Variants in NCKAP5L observed in about 807,000 individuals in gnomAD.
NCKAP5L encodes nck-associated protein 5-like.
Under a neutral mutation model 103.2 loss-of-function variants are expected in NCKAP5L, and 54 were observed. The ratio of observed to expected loss-of-function variants is 0.52; its 90% CI spans 0.42 to 0.66. The LOEUF is 0.66. NCKAP5L is among the 30% of genes least tolerant of loss of function. NCKAP5L has a pLI of 0.00. For synonymous variants in NCKAP5L, 762 were observed against 748.6 expected (o/e 1.02, Z -0.29); for missense variants, 1,733 against 1,750.6 (o/e 0.99, Z 0.18).
chr12:49,791,265 G>A lies in NCKAP5L; in HGVS notation c.*574C>T. 1 of 153,466 alleles carries A rather than the reference G, an allele frequency of 6.5e-6. No individual in the cohort carries two copies. The highest frequency in any genetic ancestry group is 1.5e-5 in the Non-Finnish European group (1 of 68,950). The allele number at this position is 153,466 out of a possible 1,614,324, so 9.5% of individuals were successfully genotyped here. On this transcript the variant is annotated 3_prime_UTR_variant, in exon 13 of 13. Transcript: ENST00000335999. ...AGTGCGGGGCTGGGGGCTGGGGGCTGGGCCAGGCGCTTCAATATATAAAAA... is the reference window on the plus strand; with the variant it reads ...AGTGCGGGGCTGGGGGCTGGGGGCTAGGCCAGGCGCTTCAATATATAAAAA...
In NCKAP5L at chr12:49,796,306, G is replaced by A. The variant is rs1279428518; in HGVS notation, c.1554C>T (p.Gly518=). 2 of 1,544,430 alleles carry A rather than the reference G, an allele frequency of 1.3e-6. No individual in the cohort carries two copies. The highest frequency in any genetic ancestry group is 2.7e-5 in the African/African-American group (2 of 72,960). Residue 518 remains glycine, a synonymous_variant, in exon 8 of 13, where the codon GGC becomes GGT. Transcript: ENST00000335999. ...GGELSPEGAQ[G]LPTSPSPCYT... is the part of the protein sequence containing the mutation. Reference sequence around the variant, plus strand: ...AGCAGGGTGAAGGGCTGGTGGGCAGGCCTTGCGCCCCCTCTGGGGACAGCT... The same window carrying A: ...AGCAGGGTGAAGGGCTGGTGGGCAGACCTTGCGCCCCCTCTGGGGACAGCT...
rs546623210 is a variant in NCKAP5L, at chr12:49,795,014, G to A, written c.2846C>T (p.Pro949Leu). 29 of 1,604,106 alleles carry A rather than the reference G, an allele frequency of 1.8e-5. No individual in the cohort carries two copies. The highest frequency in any genetic ancestry group is 1.0e-4 in the South Asian group (9 of 89,716). Reference sequence around the variant, plus strand: ...TTCCATCTTGACTTCCCTCCGGAGCGGGGAGCCCCCGCCAGCCCCCTCCTT... The same window carrying A: ...TTCCATCTTGACTTCCCTCCGGAGCAGGGAGCCCCCGCCAGCCCCCTCCTT... The part of the protein sequence containing the change: ...KNKEGAGGGS[P>L]LRREVKMEAR... The change falls in exon 8 of 13, where the codon CCG (proline) becomes CTG (leucine). Residue 949 changes from proline to leucine, a missense_variant. Coordinates refer to ENST00000335999, the MANE Select transcript of NCKAP5L (RefSeq NM_001037806.4).
At position 49,804,036 on chromosome 12, in the gene NCKAP5L, C is replaced by T. The variant is rs1946152567; in HGVS notation, c.9G>A (p.Glu3=). MS[E]AMDQPAGGPG... ...GACCCCCAGCTGGCTGGTCCATGGC[C>T]TCTGACATCTGGCCCTGGGAACAAG... is the stretch of plus-strand genomic sequence containing the variant. The change falls in exon 3 of 13, where the codon GAG becomes GAA. Residue 3 remains glutamate (E), a synonymous_variant. Transcript: ENST00000335999. 1 of 1,610,622 alleles carries T rather than the reference C, an allele frequency of 6.2e-7. No homozygotes were observed. The highest frequency in any genetic ancestry group is 8.5e-7 in the Non-Finnish European group (1 of 1,179,940).
chr12:49,793,436 G>C lies in NCKAP5L; in HGVS notation c.3259-3C>G. The stretch of plus-strand genomic sequence containing the variant: ...CGCCTCCCTGGCTCGCTGCTCGGCT[G>C]TGTGGGATACAGGAGACCTCATAGT... On this transcript the variant is annotated splice_region_variant and splice_polypyrimidine_tract_variant and intron_variant, in intron 9 of 12. Coordinates refer to ENST00000335999, the MANE Select transcript of NCKAP5L (RefSeq NM_001037806.4). 6.2e-7 allele frequency: 1 copy of C among 1,609,444 alleles called. No individual in the cohort carries two copies. The highest frequency in any genetic ancestry group is 8.5e-7 in the Non-Finnish European group (1 of 1,179,688).
intron 1 of NCKAP5L, among the ~76,000 whole-genome samples, chr12:49,825,389 G>A (rs1304131268): frequency 6.6e-6 from 1 of 152,192 alleles, no homozygotes; most frequent in Non-Finnish European, 1.5e-5. Flanking sequence ...AGAAGCAGGG[G>A]CTAGAAAGGG....
intron 1 of NCKAP5L, among the ~76,000 whole-genome samples, chr12:49,825,076 C>T (rs1946401545): frequency 6.6e-6 from 1 of 152,182 alleles, no homozygotes; most frequent in African/African-American, 2.4e-5. Flanking sequence ...CTCTGACACT[C>T]ACCACCGCAT....
At position 49,795,228 on chromosome 12, in the gene NCKAP5L, C is replaced by A. The variant is rs1195857163; in HGVS notation, c.2632G>T (p.Ala878Ser). 1.3e-6 allele frequency: 2 copies of A among 1,564,164 alleles called. No individual in the cohort carries two copies. The highest frequency in any genetic ancestry group is 2.2e-5 in the East Asian group (1 of 44,490). The change falls in exon 8 of 13, where the codon GCC becomes TCC. Residue 878 changes from alanine to serine, a missense_variant. Ala to Ser is a moderately conservative substitution (Grantham distance 99). Transcript: ENST00000335999. ...TTCTCCTCGATGGCTGAGTGTGGGGCCAGCCCCTCAGGGCCCTGACTTGGG... is the reference window on the plus strand; with the variant it reads ...TTCTCCTCGATGGCTGAGTGTGGGGACAGCCCCTCAGGGCCCTGACTTGGG... ...TDPSQGPEGL[A>S]PHSAIEEKVM...
intron 1 of NCKAP5L, among the ~76,000 whole-genome samples, chr12:49,811,123 CCTCAACTTG>C (rs1946235329): frequency 6.6e-6 from 1 of 152,188 alleles, no homozygotes; most frequent in Non-Finnish European, 1.5e-5. Flanking sequence ...CCCTGGGATT[CCTCAACTTG>C]CGTATTCTAG....
chr12:49,793,820 A>G lies in NCKAP5L; in HGVS notation c.3172T>C (p.Ser1058Pro). 1.3e-6 allele frequency: 2 copies of G among 1,596,656 alleles called. No individual in the cohort carries two copies. Among genetic ancestry groups the G allele is most frequent in the Non-Finnish European group, 1.7e-6 (2 of 1,171,960 alleles). The part of the protein sequence containing the change: ...PEYGDFQPVS[S>P]DPKSPWPACG... ...GCTGGCCAGGGGCTCTTGGGGTCAG[A>G]AGACACCGGCTGGAAATCCCCGTAC... The change falls in exon 9 of 13, where the codon TCT (serine) becomes CCT (proline). Residue 1058 changes from serine to proline, a missense_variant. Coordinates refer to ENST00000335999, the MANE Select transcript of NCKAP5L (RefSeq NM_001037806.4).
At chr12:49,793,926 G>T (rs1426281455) in intron 8 of NCKAP5L, 30 bp from the exon 9 acceptor site, 9 of 1,450,734 alleles carry the variant, frequency 6.2e-6, no homozygotes, top group Non-Finnish European at 8.2e-6. Flanking sequence ...TATAGGTGAG[G>T]GTGGTCTTGC....
At position 49,796,979 on chromosome 12, in the gene NCKAP5L, G is replaced by T; in HGVS notation, c.881C>A (p.Pro294Gln). Reference sequence around the variant, plus strand: ...AGAAGAGGAGGAGGAGCTGCTGCCTGGGGCACAGTTTGGGCCAGAGCTGGT... The same window carrying T: ...AGAAGAGGAGGAGGAGCTGCTGCCTTGGGCACAGTTTGGGCCAGAGCTGGT... ...QGTSSGPNCA[P>Q]GSSSSSSSDE... Residue 294 changes from proline to glutamine, a missense_variant, in exon 8 of 13, where the codon CCA becomes CAA. Transcript: ENST00000335999. 1.9e-6 allele frequency: 3 copies of T among 1,598,972 alleles called. No individual in the cohort carries two copies. The highest frequency in any genetic ancestry group is 2.6e-6 in the Non-Finnish European group (3 of 1,173,502).
At position 49,796,193 on chromosome 12, in the gene NCKAP5L, T is replaced by G; in HGVS notation, c.1667A>C (p.Tyr556Ser). The change falls in exon 8 of 13, where the codon TAT (tyrosine) becomes TCT (serine). Residue 556 changes from tyrosine (Y) to serine (S), a missense_variant. Coordinates refer to ENST00000335999, the MANE Select transcript of NCKAP5L (RefSeq NM_001037806.4). ...CCGAGAAAGGTCCAGAATGTTCTCA[T>G]AGCAGGGAGACACCACTGGGCCTGG... is the stretch of plus-strand genomic sequence containing the variant. ...LSPGPVVSPC[Y>S]ENILDLSRST... 1 of 1,603,364 alleles carries G rather than the reference T, an allele frequency of 6.2e-7. No homozygotes were observed. The highest frequency in any genetic ancestry group is 1.1e-5 in the South Asian group (1 of 89,490).
At chr12:49,802,090 C>G in intron 5 of NCKAP5L, 123 bp from the exon 6 acceptor site, 3 of 1,100,998 alleles carry the variant, frequency 2.7e-6, no homozygotes. Flanking sequence ...GCACACACTT[C>G]CGCTGCAACC....
intron 6 of NCKAP5L, among the ~76,000 whole-genome samples, chr12:49,799,534 C>A (rs538678038): frequency 1.3e-5 from 2 of 152,092 alleles, no homozygotes; most frequent in South Asian, 4.1e-4. Flanking sequence ...CTAGGCTGGT[C>A]TTGAACTCCT....
At chr12:49,812,568 G>C (rs1304466095) in intron 1 of NCKAP5L, among the ~76,000 whole-genome samples, 1 of 152,018 alleles carries the variant, frequency 6.6e-6, no homozygotes, top group Admixed American at 6.6e-5. Context: ...ATTTTTAGTA[G>C]AGACGGGGTT....
intron 6 of NCKAP5L, 54 bp from the exon 7 acceptor site, chr12:49,798,517 C>A (rs1946084930): frequency 4.2e-6 from 6 of 1,427,124 alleles, no homozygotes; most frequent in Middle Eastern, 2.2e-4. Context: ...CAGCTCCCTA[C>A]TCCCTCGCAA....
intron 6 of NCKAP5L, among the ~76,000 whole-genome samples, chr12:49,800,944 G>T (rs1331774772): frequency 6.6e-6 from 1 of 152,206 alleles, no homozygotes; most frequent in East Asian, 1.9e-4. Flanking sequence ...CCTGCCACAG[G>T]GACAGATCTA....
intron 1 of NCKAP5L, among the ~76,000 whole-genome samples, chr12:49,807,119 A>G (rs973942966): frequency 1.3e-5 from 2 of 150,818 alleles, no homozygotes; most frequent in Non-Finnish European, 3.0e-5. Flanking sequence ...CTCCTCTCCA[A>G]CTCCTCCCAG....
At chr12:49,805,299 C>T (rs766163431) in intron 2 of NCKAP5L, 2 of 152,290 alleles carry the variant, frequency 1.3e-5, no homozygotes, top group Non-Finnish European at 2.9e-5. Flanking sequence ...AGACTGATGA[C>T]TAGACGAAGC....
Sources: gnomAD v4.1 joint callset for allele counts (sites outside exome capture counted in the v4.1 genomes callset) on GRCh38, gnomAD v4.1.1 for gene constraint, MANE v1.5 for transcripts, NCBI Gene and HGNC (gene_info 2026-07-23, HGNC 2026-07-21) for gene names.